The following SLC22A23 variants were observed in gnomAD, a reference collection of about 807,000 sequenced individuals.
SLC22A23 encodes the protein ion transporter protein.
Under a neutral mutation model 61.0 loss-of-function variants are expected in SLC22A23, and 26 were observed. The observed-to-expected ratio is 0.43, with a 90% confidence interval of 0.31 to 0.59. SLC22A23 has a LOEUF of 0.59. Among genes scored for constraint, SLC22A23 ranks in the 20% least tolerant of loss-of-function variants. The pLI is 0.11. For missense variants in SLC22A23, 796 were observed against 934.7 expected (o/e 0.85, Z 1.94); for synonymous variants, 430 against 413.9 (o/e 1.04, Z -0.47).
At chr6:3,429,880 G>C (rs1243167117) in intron 1 of SLC22A23, among the ~76,000 whole-genome samples, 5 of 152,156 alleles carry the variant, frequency 3.3e-5, no homozygotes, top group Non-Finnish European at 7.4e-5. Context: ...TAGAATGGGG[G>C]TTACCAGGGG....
intron 1 of SLC22A23, among the ~76,000 whole-genome samples, chr6:3,418,643 G>A (rs1237816127): frequency 1.3e-5 from 2 of 152,196 alleles, no homozygotes; most frequent in Non-Finnish European, 2.9e-5. Flanking sequence ...TTCCCCCTGG[G>A]GAGGGGGTGC....
In SLC22A23 at chr6:3,456,677, G is replaced by T; in HGVS notation, c.-118C>A. On this transcript the variant is annotated 5_prime_UTR_variant, in exon 1 of 10. Coordinates refer to ENST00000406686, the MANE Select transcript of SLC22A23 (RefSeq NM_015482.2). This position sits in a 1 kb window ranked among gnomAD's most constrained non-coding sequence, Gnocchi z 7.1. ...GCCGCTGCCGCCGAGGAGGGCCCGC[G>T]GCTCGAGAGAGAGCGCTCGGCGGCT... 1.5e-6 allele frequency: 1 copy of T among 657,022 alleles called. No homozygotes were observed. The highest frequency in any genetic ancestry group is 2.0e-5 in the African/African-American group (1 of 50,730). The allele number at this position is 657,022 out of a possible 1,614,324, so 40.7% of individuals were successfully genotyped here.
intron 3 of SLC22A23, among the ~76,000 whole-genome samples, chr6:3,368,667 T>C (rs1017142236): frequency 6.6e-6 from 1 of 152,132 alleles, no homozygotes; most frequent in Non-Finnish European, 1.5e-5. Context: ...CAATAAGTTA[T>C]GCACACACAC....
At chr6:3,411,298 C>T (rs1476817967) in intron 2 of SLC22A23, among the ~76,000 whole-genome samples, 1 of 152,074 alleles carries the variant, frequency 6.6e-6, no homozygotes, top group African/African-American at 2.4e-5. Flanking sequence ...ATGCTATTTG[C>T]CAGGAGAAAA....
At chr6:3,285,235 CCCTT>C in intron 7 of SLC22A23, 124 bp from the exon 8 acceptor site, 1 of 1,345,872 alleles carries the variant, frequency 7.4e-7, no homozygotes, top group South Asian at 1.3e-5. Flanking sequence ...CAAGCAAACT[CCCTT>C]CCGTGTCTGG....
intron 3 of SLC22A23, among the ~76,000 whole-genome samples, chr6:3,409,430 T>A (rs1359745340): frequency 6.6e-6 from 1 of 152,242 alleles, no homozygotes; most frequent in Admixed American, 6.5e-5. Context: ...ACTTAATCTA[T>A]ACCTGACTCC....
At chr6:3,340,554 T>G (rs1029965508) in intron 3 of SLC22A23, among the ~76,000 whole-genome samples, 5 of 152,208 alleles carry the variant, frequency 3.3e-5, no homozygotes, top group Non-Finnish European at 7.3e-5. Context: ...AACGGCAACT[T>G]GGAAAGTGAC....
intron 1 of SLC22A23, among the ~76,000 whole-genome samples, chr6:3,422,838 G>A (rs1037089362): frequency 1.4e-4 from 21 of 152,102 alleles, no homozygotes; most frequent in Middle Eastern, 3.4e-3. Context: ...GGGAATAGCC[G>A]GGGCAAAAAT....
At chr6:3,399,235 C>T (rs144818608) in intron 3 of SLC22A23, among the ~76,000 whole-genome samples, 28 of 152,278 alleles carry the variant, frequency 1.8e-4, no homozygotes, top group Middle Eastern at 3.4e-3. Flanking sequence ...GGACCACGAA[C>T]TCACATCATA....
chr6:3,323,233 T>C (rs1263873417), intron 4 of SLC22A23: 1 of 456,372 alleles, frequency 2.2e-6, no homozygotes, highest in South Asian at 1.6e-5. Context: ...AAGGACCAGA[T>C]AGTAAATATT....
chr6:3,403,894 T>C (rs921346047), intron 3 of SLC22A23, among the ~76,000 whole-genome samples: 1 of 152,218 alleles, frequency 6.6e-6, no homozygotes. Flanking sequence ...CCTTACTTTA[T>C]AGAGAGGGAG....
At chr6:3,358,629 A>C (rs1257783578) in intron 3 of SLC22A23, among the ~76,000 whole-genome samples, 3 of 152,188 alleles carry the variant, frequency 2.0e-5, no homozygotes, top group Non-Finnish European at 4.4e-5. Flanking sequence ...GGCGAGATGA[A>C]TAAGCTCTGG....
chr6:3,388,314 A>G (rs1396380051), intron 3 of SLC22A23, among the ~76,000 whole-genome samples: 1 of 152,248 alleles, frequency 6.6e-6, no homozygotes, highest in Middle Eastern at 3.2e-3. Context: ...TGCAATAAAC[A>G]GAAACAAAAT....
In SLC22A23 at chr6:3,273,178, C is replaced by A. The variant is rs1201822142; in HGVS notation, c.1938G>T (p.Lys646Asn). 1 of 1,613,036 alleles carries A rather than the reference C, an allele frequency of 6.2e-7. No homozygotes were observed. Among genetic ancestry groups the A allele is most frequent in the Non-Finnish European group, 8.5e-7 (1 of 1,179,814 alleles). The change falls in exon 10 of 10, where the codon AAG (lysine) becomes AAT (asparagine). Residue 646 changes from lysine to asparagine, a missense_variant. Lys to Asn is a moderately conservative substitution (Grantham distance 94, BLOSUM62 0). Transcript: ENST00000406686. ...TGGTGAGCAGCAGTGGCTGCTCCCC[C>A]TTCTTGTGCGGCAGCAGCGGCTGGC... is the stretch of plus-strand genomic sequence containing the variant. ...YTRQPLLPHK[K>N]GEQPLLLTNA... is the part of the protein sequence containing the mutation.
chr6:3,438,549 GACA>G (rs747284848), intron 1 of SLC22A23: 6 of 456,632 alleles, frequency 1.3e-5, no homozygotes, highest in South Asian at 9.3e-5. Context: ...TCCTGCTGCT[GACA>G]ACACTATAAA....
At chr6:3,362,770 T>G (rs10458073) in intron 3 of SLC22A23, among the ~76,000 whole-genome samples, 52,667 of 151,764 alleles carry the variant, frequency 0.35, 9,227 homozygotes, top group Middle Eastern at 0.42. Context: ...CAGAAGCAGG[T>G]AGACCTCCAG....
At chr6:3,445,027 G>C (rs986210378) in intron 1 of SLC22A23, 8 of 969,416 alleles carry the variant, frequency 8.3e-6, no homozygotes, top group Non-Finnish European at 8.6e-6. Flanking sequence ...AGGTACGTGG[G>C]GGTGGGGCAC....
In SLC22A23 at chr6:3,331,582, G is replaced by A. The variant is rs556984898; in HGVS notation, c.914-7580C>T. 2.3e-4 allele frequency among the ~76,000 whole-genome samples: 35 copies of A among 152,264 alleles called. No individual in the cohort carries two copies. The South Asian group carries it at 6.0e-3, about 26-fold the overall frequency. On this transcript the variant is annotated intron_variant, in intron 3 of 9. Coordinates refer to ENST00000406686, the MANE Select transcript of SLC22A23 (RefSeq NM_015482.2). ...GAAAATCAACCATAAAACCAAACATGAGCCACAGAGTTCAGTTTCTTTTCA... is the reference window on the plus strand; with the variant it reads ...GAAAATCAACCATAAAACCAAACATAAGCCACAGAGTTCAGTTTCTTTTCA...
At chr6:3,291,597 C>A (rs1760597401) in intron 5 of SLC22A23, 1 of 152,176 alleles carries the variant, frequency 6.6e-6, no homozygotes, top group Non-Finnish European at 1.5e-5. Flanking sequence ...CCTCTCAGCT[C>A]CCAAGGTCCA....
Sources: allele counts gnomAD v4.1 joint callset (sites outside exome capture counted in the v4.1 genomes callset), GRCh38; gene constraint gnomAD v4.1.1; non-coding constraint Gnocchi (gnomAD v3.1); transcripts MANE v1.5; gene names NCBI Gene and HGNC (gene_info 2026-07-23, HGNC 2026-07-21).